BLTP1: variants seen among roughly 807,000 people sequenced by gnomAD.
BLTP1 encodes the protein fragile site-associated protein.
chr4:122,277,637 T>A, the BLTP1 span: 11 of 956,998 alleles, frequency 1.1e-5, no homozygotes, highest in African/African-American at 1.8e-4. Context: ...ATAAAAGTAA[T>A]AGCCTTGCTC....
the BLTP1 span, chr4:122,225,807 A>C: frequency 4.6e-5 from 7 of 152,232 alleles, no homozygotes; most frequent in East Asian, 1.4e-3. Context: ...ATTATCTCCC[A>C]TTTCCCATCC....
the BLTP1 span, chr4:122,209,628 G>C: frequency 2.4e-6 from 1 of 421,552 alleles, no homozygotes; most frequent in African/African-American, 2.2e-5. Flanking sequence ...TTGGGCAACA[G>C]AGACCCCATC....
At chr4:122,205,017 T>G in the BLTP1 span, 2 of 155,114 alleles carry the variant, frequency 1.3e-5, no homozygotes, top group East Asian at 3.8e-4. Flanking sequence ...GTGATTGTCA[T>G]TTGACATTAA....
the BLTP1 span, among the ~76,000 whole-genome samples, chr4:122,326,600 G>A: frequency 6.6e-6 from 1 of 151,354 alleles, no homozygotes; most frequent in Non-Finnish European, 1.5e-5. Flanking sequence ...GAATTTACAC[G>A]AATGGAGTGG....
the BLTP1 span, among the ~76,000 whole-genome samples, chr4:122,231,391 A>C: frequency 6.6e-6 from 1 of 151,216 alleles, no homozygotes; most frequent in Non-Finnish European, 1.5e-5. Flanking sequence ...TAAAAACCAC[A>C]TTTGTTAGCT....
the BLTP1 span, chr4:122,256,243 G>A: frequency 1.2e-6 from 1 of 866,294 alleles, no homozygotes; most frequent in Non-Finnish European, 1.4e-6. Flanking sequence ...TGTTGGATTT[G>A]AAAAAGACAC....
the BLTP1 span, chr4:122,299,784 CAAT>C: frequency 1.3e-4 from 130 of 984,044 alleles, 1 homozygote; most frequent in Middle Eastern, 5.2e-4. Context: ...GTAGGGTTAT[CAAT>C]GATGAGGCTT....
At chr4:122,161,976 G>A in the BLTP1 span, among the ~76,000 whole-genome samples, 12 of 152,282 alleles carry the variant, frequency 7.9e-5, no homozygotes, top group African/African-American at 2.9e-4. Context: ...TAGTGGGGGA[G>A]ATACATTTCT....
the BLTP1 span, among the ~76,000 whole-genome samples, chr4:122,166,448 C>T: frequency 1.3e-5 from 2 of 152,136 alleles, no homozygotes; most frequent in Non-Finnish European, 2.9e-5. Flanking sequence ...TGTTTTGGTA[C>T]CAGTACCATG....
chr4:122,276,561 T>G, the BLTP1 span: 296 of 985,370 alleles, frequency 3.0e-4, 3 homozygotes, highest in African/African-American at 4.8e-3. Flanking sequence ...AGAGAGCCAT[T>G]TGCATGTCAG....
At chr4:122,361,095 A>G in the BLTP1 span, among the ~76,000 whole-genome samples, 2 of 152,198 alleles carry the variant, frequency 1.3e-5, no homozygotes, top group Admixed American at 1.3e-4. Flanking sequence ...GGATCGTTAC[A>G]CTGGTTAAAT....
At chr4:122,207,531 T>TTTTTTTTTTTTTG in the BLTP1 span, 1 of 1,548,184 alleles carries the variant, frequency 6.5e-7, no homozygotes. Flanking sequence ...TTTTTTTTTT[T>TTTTTTTTTTTTTG]CTTTTGTAGT....
At chr4:122,339,069 A>AG in the BLTP1 span, 1 of 902,954 alleles carries the variant, frequency 1.1e-6, no homozygotes, top group South Asian at 2.1e-5. Context: ...TTTATGTATG[A>AG]GTTCAGGTGA....
the BLTP1 span, chr4:122,250,408 G>A: frequency 6.2e-7 from 1 of 1,613,506 alleles, no homozygotes; most frequent in South Asian, 1.1e-5. Context: ...TTGGAATTAT[G>A]GGTAAAGCTA....
At chr4:122,167,834 T>TA in the BLTP1 span, 2 of 985,412 alleles carry the variant, frequency 2.0e-6, no homozygotes, top group African/African-American at 1.7e-5. Flanking sequence ...TTGCAACTCT[T>TA]AGATTGAACT....
chr4:122,243,139 TAATC>T, the BLTP1 span: 1 of 1,401,904 alleles, frequency 7.1e-7, no homozygotes, highest in Non-Finnish European at 9.9e-7. Context: ...TTCTGAATAA[TAATC>T]ATTCTTTATT....
chr4:122,335,503 A>G, the BLTP1 span, among the ~76,000 whole-genome samples: 1 of 152,124 alleles, frequency 6.6e-6, no homozygotes, highest in Non-Finnish European at 1.5e-5. Context: ...GGGAGACAAA[A>G]CTTGATATAT....
chr4:122,188,288 AT>A, the BLTP1 span: 2 of 575,080 alleles, frequency 3.5e-6, no homozygotes, highest in Non-Finnish European at 4.4e-6. Context: ...AATTTTAAAT[AT>A]TTTTCTGCAT....
the BLTP1 span, among the ~76,000 whole-genome samples, chr4:122,203,113 T>C: frequency 6.6e-6 from 1 of 151,934 alleles, no homozygotes; most frequent in South Asian, 2.1e-4. Context: ...GTGAACCTAC[T>C]TGGTCATAGT....
Sources: gnomAD v4.1 joint callset for allele counts (sites outside exome capture counted in the v4.1 genomes callset) on GRCh38, gnomAD v4.1.1 for gene constraint, MANE v1.5 for transcripts, NCBI Gene and HGNC (gene_info 2026-07-23, HGNC 2026-07-21) for gene names.